The following DSCAML1 variants were observed in gnomAD, a reference collection of about 807,000 sequenced individuals.
DSCAML1 encodes DS cell adhesion molecule like 1.
In DSCAML1, 38 loss-of-function variants were observed where a neutral mutation model predicts 200.5. The ratio of observed to expected loss-of-function variants is 0.19; its 90% confidence interval spans 0.15 to 0.25. The LOEUF is 0.25. Among genes scored for constraint, DSCAML1 ranks in the 10% least tolerant of loss-of-function variants. DSCAML1 has a pLI of 1.00. For missense variants in DSCAML1, 2,223 were observed against 2,858.8 expected, an observed-to-expected ratio of 0.78 and a Z score of 5.07; for synonymous variants, 1,215 against 1,165.0, an observed-to-expected ratio of 1.04 and a Z score of -0.87.
Position 117,504,018 on chromosome 11 carries a change from C to T in DSCAML1, c.2186G>A (p.Ser729Asn). 6.2e-7 allele frequency: 1 copy of T among 1,613,718 alleles called. No individual in the cohort carries two copies. The highest frequency in any genetic ancestry group is 8.5e-7 in the Non-Finnish European group (1 of 1,179,836). The change falls in exon 11 of 33, where the codon AGC (serine) becomes AAC (asparagine). Residue 729 changes from serine to asparagine, a missense_variant. Physicochemically the swap from Ser to Asn is conservative, Grantham distance 46. Transcript: ENST00000651296. This position sits in a 1 kb window ranked among gnomAD's most constrained non-coding sequence, Gnocchi z 5.0. ...PKVMWKHAKG[S>N]GNPQQYHPVP... ...AGGGTGGTACTGCTGGGGGTTCCCG[C>T]TCCCTGGAAGGAGGCAGCTGTTAGG...
chr11:117,814,114 T>G (rs2055782966), intron 1 of DSCAML1, among the ~76,000 whole-genome samples: 1 of 151,270 alleles, frequency 6.6e-6, no homozygotes, highest in African/African-American at 2.4e-5. Context: ...GCTCCCCCAC[T>G]GAGCACCTTG....
chr11:117,583,187 C>T (rs1348501012), intron 3 of DSCAML1, among the ~76,000 whole-genome samples: 4 of 151,918 alleles, frequency 2.6e-5, no homozygotes, highest in African/African-American at 9.7e-5. Context: ...GGACCCTCTC[C>T]CCTGGCCTCT....
rs369838144 is a variant in DSCAML1 at position 117,776,933 on chromosome 11, G to A, written c.369C>T (p.Phe123=). ...CCACCCGGACGGTGTAGGGTTCCCT[G>A]AAAACTGCAGAGAGATTGGCAGTGG... ...RSPNIRVKAV[F]REPYTVRVED... The change falls in exon 3 of 33, where the codon TTC becomes TTT. Residue 123 remains phenylalanine (F), a synonymous_variant. Transcript: ENST00000651296. The A allele has an allele frequency of 6.2e-7, 1 of 1,613,660 alleles. No homozygotes were observed. Among genetic ancestry groups the A allele is most frequent in the African/African-American group, 1.3e-5 (1 of 74,924 alleles).
intron 3 of DSCAML1, among the ~76,000 whole-genome samples, chr11:117,589,403 AC>A (rs2051214899): frequency 6.6e-6 from 1 of 151,720 alleles, no homozygotes; most frequent in Admixed American, 6.6e-5. Flanking sequence ...CAGGCGGAAC[AC>A]CCCCCTCCCA....
chr11:117,449,827 G>T (rs1475173356), intron 20 of DSCAML1, among the ~76,000 whole-genome samples: 1 of 117,630 alleles, frequency 8.5e-6, no homozygotes, highest in Non-Finnish European at 1.8e-5. Context: ...GGCTGGAGAT[G>T]ATGAAAGAGG....
At chr11:117,530,847 C>T (rs2050064965) in intron 4 of DSCAML1, among the ~76,000 whole-genome samples, 1 of 152,160 alleles carries the variant, frequency 6.6e-6, no homozygotes, top group African/African-American at 2.4e-5. Flanking sequence ...TGCGAGATTT[C>T]ATGAGTCTAA....
intron 11 of DSCAML1, among the ~76,000 whole-genome samples, chr11:117,485,915 G>A (rs1212463059): frequency 6.6e-6 from 1 of 152,202 alleles, no homozygotes; most frequent in African/African-American, 2.4e-5. Context: ...GGTTCCTTGT[G>A]TCATAGGCTA....
chr11:117,738,493 G>A (rs1462196612), intron 3 of DSCAML1, among the ~76,000 whole-genome samples: 1 of 152,092 alleles, frequency 6.6e-6, no homozygotes, highest in Non-Finnish European at 1.5e-5. Flanking sequence ...CAGCTATCAT[G>A]TGTCTGCGCA....
At chr11:117,552,891 TTAC>T (rs1411621566) in intron 3 of DSCAML1, among the ~76,000 whole-genome samples, 1 of 152,198 alleles carries the variant, frequency 6.6e-6, no homozygotes, top group Non-Finnish European at 1.5e-5. Context: ...GAGTGTCTGC[TTAC>T]TACAAGTGCG....
chr11:117,505,236 G>A lies in DSCAML1; in HGVS notation c.2063-193C>T, dbSNP rs10892132. On this transcript the variant is annotated intron_variant, in intron 9 of 32. Coordinates refer to ENST00000651296, the MANE Select transcript of DSCAML1 (RefSeq NM_020693.4). The surrounding 1 kb of genome is among the most constrained non-coding windows in gnomAD (Gnocchi z 6.7). Reference sequence around the variant, plus strand: ...AGGGACTTGGGAGCTCTGAGTTCCAGTCCTGCCTTTGCCACTGACTAACTG... The same window carrying A: ...AGGGACTTGGGAGCTCTGAGTTCCAATCCTGCCTTTGCCACTGACTAACTG... 0.43 allele frequency among the ~76,000 whole-genome samples: 65,854 copies of A among 151,882 alleles called. 14,425 individuals carry two copies. Among genetic ancestry groups the A allele is most frequent in the South Asian group, 0.55 (2,649 of 4,818 alleles).
intron 18 of DSCAML1, among the ~76,000 whole-genome samples, chr11:117,459,489 C>T (rs1368161286): frequency 1.3e-5 from 2 of 152,230 alleles, no homozygotes; most frequent in African/African-American, 4.8e-5. Flanking sequence ...ACTCATCTGC[C>T]TTCTCCCCAC....
chr11:117,795,347 T>C (rs1379641199), intron 1 of DSCAML1, among the ~76,000 whole-genome samples: 1 of 152,084 alleles, frequency 6.6e-6, no homozygotes, highest in Non-Finnish European at 1.5e-5. Flanking sequence ...AGAAAGCCGC[T>C]CCTCACCTTA....
At chr11:117,804,378 C>G (rs1040312593) in intron 1 of DSCAML1, among the ~76,000 whole-genome samples, 1 of 152,204 alleles carries the variant, frequency 6.6e-6, no homozygotes, top group African/African-American at 2.4e-5. Context: ...GGCTTGCTCC[C>G]CACACAGAAG....
intron 1 of DSCAML1, among the ~76,000 whole-genome samples, chr11:117,792,781 C>G (rs1289984122): frequency 6.6e-6 from 1 of 152,182 alleles, no homozygotes; most frequent in Non-Finnish European, 1.5e-5. Context: ...TCTTCACCCT[C>G]TTCTTCCTGC....
intron 3 of DSCAML1, among the ~76,000 whole-genome samples, chr11:117,708,362 G>C (rs1162375445): frequency 6.6e-6 from 1 of 152,198 alleles, no homozygotes; most frequent in Non-Finnish European, 1.5e-5. Context: ...CTGCTGTCAA[G>C]TGTTCCCTGA....
intron 3 of DSCAML1, among the ~76,000 whole-genome samples, chr11:117,743,242 GA>G (rs1456708077): frequency 6.6e-6 from 1 of 152,226 alleles, no homozygotes; most frequent in Non-Finnish European, 1.5e-5. Context: ...AGAAAGTGGT[GA>G]GAGAGAGGAG....
chr11:117,758,311 A>C (rs2054733877), intron 3 of DSCAML1, among the ~76,000 whole-genome samples: 2 of 151,436 alleles, frequency 1.3e-5, no homozygotes, highest in African/African-American at 2.4e-5. Context: ...AAAAAAAAAA[A>C]AATTCTACCG....
intron 3 of DSCAML1, among the ~76,000 whole-genome samples, chr11:117,710,738 G>A (rs1320905507): frequency 6.6e-6 from 1 of 152,216 alleles, no homozygotes; most frequent in Non-Finnish European, 1.5e-5. Context: ...AAAGCTTGAT[G>A]AATGGTAGCT....
chr11:117,802,082 C>T (rs1432040832), upstream of DSCAML1: 2 of 152,266 alleles, frequency 1.3e-5, no homozygotes, highest in Non-Finnish European at 2.9e-5. Flanking sequence ...CAGAGCTAAA[C>T]TTGCTGGCTT....
Sources: allele counts gnomAD v4.1 joint callset (sites outside exome capture counted in the v4.1 genomes callset), GRCh38; gene constraint gnomAD v4.1.1; non-coding constraint Gnocchi (gnomAD v3.1); transcripts MANE v1.5; gene names NCBI Gene and HGNC (gene_info 2026-07-23, HGNC 2026-07-21).